SEPTIN11: variants seen among roughly 807,000 people sequenced by gnomAD.
SEPTIN11 encodes the protein septin-11.
SEPTIN11 carries 25 observed loss-of-function variants against 51.4 expected under a neutral mutation model. The observed-to-expected ratio is 0.49, with a 90% CI of 0.35 to 0.68. SEPTIN11 has a LOEUF of 0.68. SEPTIN11 is among the 30% of genes least tolerant of loss of function. The pLI is 0.00. For synonymous variants in SEPTIN11, 174 were observed against 184.1 expected (o/e 0.95, Z 0.44); for missense variants, 381 against 520.8 (o/e 0.73, Z 2.61).
At chr4:76,979,745 C>T (rs778520845) in intron 1 of SEPTIN11, among the ~76,000 whole-genome samples, 10 of 151,582 alleles carry the variant, frequency 6.6e-5, no homozygotes, top group East Asian at 1.9e-4. Context: ...ATTAGCCGAG[C>T]GTGCTGGTGG....
chr4:76,967,004 C>T (rs1350266056), intron 1 of SEPTIN11, among the ~76,000 whole-genome samples: 1 of 152,034 alleles, frequency 6.6e-6, no homozygotes, highest in African/African-American at 2.4e-5. Flanking sequence ...TGAGACCAGC[C>T]TGGCCAACAT....
Position 77,006,130 on chromosome 4 carries a change from C to A in SEPTIN11, c.338+334C>A, listed in dbSNP as rs925361613. On this transcript the variant is annotated intron_variant, in intron 3 of 9. Coordinates refer to ENST00000264893, the MANE Select transcript of SEPTIN11 (RefSeq NM_018243.4). The stretch of plus-strand genomic sequence containing the variant: ...AAAAGCAATCTAGAGAAACACCCAG[C>A]CACCCTACAGAACAGTTTTAGCAGA... Among the ~76,000 whole-genome samples, 12 of 152,178 alleles carry A rather than the reference C, an allele frequency of 7.9e-5. No homozygotes were observed. The South Asian group carries it at 8.3e-4, about 11-fold the overall frequency.
chr4:77,019,318 G>C, intron 6 of SEPTIN11, 57 bp downstream of exon 6: 1 of 1,414,854 alleles, frequency 7.1e-7, no homozygotes. Context: ...GTGAATGGCC[G>C]TGTTTGTTCA....
chr4:76,999,528 T>C (rs975880100), intron 2 of SEPTIN11, among the ~76,000 whole-genome samples: 1 of 152,126 alleles, frequency 6.6e-6, no homozygotes, highest in Non-Finnish European at 1.5e-5. Flanking sequence ...TTGTGGTAAA[T>C]ATGGGAGGGA....
intron 1 of SEPTIN11, among the ~76,000 whole-genome samples, chr4:76,953,783 A>G (rs573001129): frequency 6.6e-6 from 1 of 152,364 alleles, no homozygotes; most frequent in Non-Finnish European, 1.5e-5. Context: ...CGAAAGTTAT[A>G]GATTAATTTA....
chr4:77,037,631 T>C lies in SEPTIN11; in HGVS notation c.*3119T>C, dbSNP rs1267168772. On this transcript the variant is annotated 3_prime_UTR_variant, in exon 10 of 10. Transcript: ENST00000264893. Reference sequence around the variant, plus strand: ...TTGGGGATTGAGGGGCCTACATAACTAGCTGGCCTTACCCCATATCTTTTG... The same window carrying C: ...TTGGGGATTGAGGGGCCTACATAACCAGCTGGCCTTACCCCATATCTTTTG... 1.0e-6 allele frequency: 1 copy of C among 985,492 alleles called. No individual in the cohort carries two copies. The highest frequency in any genetic ancestry group is 1.7e-5 in the African/African-American group (1 of 57,230). The allele number at this position is 985,492 out of a possible 1,614,324, so 61.0% of individuals were successfully genotyped here. A position where few individuals can be genotyped will look rare whatever the true frequency, so the allele number is the denominator to read the frequency against.
intron 1 of SEPTIN11, among the ~76,000 whole-genome samples, chr4:76,981,847 T>C (rs1722784798): frequency 6.6e-6 from 1 of 152,094 alleles, no homozygotes; most frequent in Non-Finnish European, 1.5e-5. Context: ...ACTGAGGCAA[T>C]TCTATACTCA....
intron 5 of SEPTIN11, 101 bp from the exon 6 acceptor site, chr4:77,019,064 C>T (rs1464965521): frequency 7.2e-6 from 8 of 1,107,046 alleles, no homozygotes; most frequent in African/African-American, 4.7e-5. Context: ...TCCCTTGTCA[C>T]CAAGTAGAGG....
At chr4:76,962,564 T>G (rs1237668354) in intron 1 of SEPTIN11, among the ~76,000 whole-genome samples, 2 of 152,220 alleles carry the variant, frequency 1.3e-5, no homozygotes, top group African/African-American at 2.4e-5. Flanking sequence ...GAGGTACACA[T>G]GTCTCACTTG....
intron 8 of SEPTIN11, among the ~76,000 whole-genome samples, chr4:77,029,150 T>C (rs1407706403): frequency 6.6e-6 from 1 of 152,226 alleles, no homozygotes; most frequent in Non-Finnish European, 1.5e-5. Context: ...AGCTAGACTT[T>C]GGCAGTGTCT....
intron 1 of SEPTIN11, among the ~76,000 whole-genome samples, chr4:76,994,301 T>C (rs1158593779): frequency 6.6e-6 from 1 of 152,184 alleles, no homozygotes; most frequent in Non-Finnish European, 1.5e-5. Context: ...CCCCAAGTCT[T>C]GGCGGATGTG....
chr4:77,016,615 C>CACATATATATATACACATATAT (rs1553975015), intron 5 of SEPTIN11, among the ~76,000 whole-genome samples: 12 of 79,222 alleles, frequency 1.5e-4, no homozygotes, highest in African/African-American at 5.6e-4. Context: ...TATATATACA[C>CACATATATATATACACATATAT]ATATATATAT....
At chr4:76,961,093 G>A (rs938767992) in intron 1 of SEPTIN11, among the ~76,000 whole-genome samples, 7 of 152,116 alleles carry the variant, frequency 4.6e-5, no homozygotes, top group African/African-American at 1.7e-4. Flanking sequence ...ATGACTGGGA[G>A]GATCTTGTCA....
At chr4:77,002,437 G>A (rs62302327) in intron 2 of SEPTIN11, among the ~76,000 whole-genome samples, 4,827 of 152,240 alleles carry the variant, frequency 0.032, 94 homozygotes, top group Non-Finnish European at 0.051. Context: ...AGTTAAGTAG[G>A]TCACTTTCTA....
chr4:77,035,400 G>A lies in SEPTIN11; in HGVS notation c.*888G>A, dbSNP rs868479553. ...AGTGGGCTTAGAGGGAGGACCTGAT[G>A]ACTGATTCCAGGATACTTGTACTTC... On this transcript the variant is annotated 3_prime_UTR_variant, in exon 10 of 10. Coordinates refer to ENST00000264893, the MANE Select transcript of SEPTIN11 (RefSeq NM_018243.4). 1.0e-6 allele frequency: 1 copy of A among 985,394 alleles called. No individual in the cohort carries two copies. The highest frequency in any genetic ancestry group is 5.2e-4 in the Middle Eastern group (1 of 1,914). 61.0% of individuals were successfully genotyped at this position (985,394 alleles called of 1,614,324 possible). A position where few individuals can be genotyped will look rare whatever the true frequency, so the allele number is the denominator to read the frequency against.
intron 1 of SEPTIN11, 38 bp downstream of exon 1, chr4:76,949,968 CG>C: frequency 7.0e-7 from 1 of 1,434,428 alleles, no homozygotes. Flanking sequence ...CCTCGGGCGC[CG>C]GGTGGTCTCT....
chr4:77,019,726 T>G (rs1045744726), intron 6 of SEPTIN11, among the ~76,000 whole-genome samples: 1 of 152,230 alleles, frequency 6.6e-6, no homozygotes, highest in Non-Finnish European at 1.5e-5. Context: ...CTGTGGGACA[T>G]GGCCACAGTC....
chr4:77,026,336 G>C (rs1220703301), intron 7 of SEPTIN11, among the ~76,000 whole-genome samples: 3 of 152,178 alleles, frequency 2.0e-5, no homozygotes, highest in Non-Finnish European at 4.4e-5. Flanking sequence ...TAGCAAACTA[G>C]TTATATCAAA....
intron 7 of SEPTIN11, among the ~76,000 whole-genome samples, chr4:77,022,435 T>A (rs992772026): frequency 6.6e-6 from 1 of 152,118 alleles, no homozygotes; most frequent in Non-Finnish European, 1.5e-5. Flanking sequence ...AAAAAAAATT[T>A]TTTTCCATAC....
Sources: allele counts gnomAD v4.1 joint callset (sites outside exome capture counted in the v4.1 genomes callset), GRCh38; gene constraint gnomAD v4.1.1; transcripts MANE v1.5; gene names NCBI Gene and HGNC (gene_info 2026-07-23, HGNC 2026-07-21).